CSMD1: variants seen among roughly 807,000 people sequenced by gnomAD.
CSMD1 encodes the protein CUB and Sushi multiple domains 1.
CSMD1 carries 213 observed loss-of-function variants against 417.5 expected under a neutral mutation model. The ratio of observed to expected loss-of-function variants is 0.51; its 90% CI spans 0.46 to 0.57. The LOEUF (loss-of-function observed/expected upper bound fraction) is 0.57, where lower values mean the gene tolerates loss of function less well. CSMD1 is among the 20% of genes least tolerant of loss of function. CSMD1 has a pLI of 0.00. For synonymous variants in CSMD1, 2,862 were observed against 1,736.8 expected (o/e 1.65, Z -16.11); for missense variants, 6,923 against 4,529.7 (o/e 1.53, Z -15.17).
At chr8:3,288,877 C>T (rs1187636385) in intron 25 of CSMD1, among the ~76,000 whole-genome samples, 2 of 146,676 alleles carry the variant, frequency 1.4e-5, no homozygotes, top group Non-Finnish European at 2.9e-5. Context: ...GCACAACCTA[C>T]AGGTTTGTTG....
chr8:3,650,174 G>A (rs150962638), intron 7 of CSMD1, among the ~76,000 whole-genome samples: 1,917 of 152,168 alleles, frequency 0.013, 49 homozygotes, highest in African/African-American at 0.044. Context: ...AGCTATTGGG[G>A]AGGCTGAGGT....
chr8:4,020,905 A>T (rs1796755630), intron 4 of CSMD1, among the ~76,000 whole-genome samples: 1 of 152,228 alleles, frequency 6.6e-6, no homozygotes, highest in Non-Finnish European at 1.5e-5. Context: ...AATATGCTTC[A>T]GCAATTGCTG....
intron 2 of CSMD1, among the ~76,000 whole-genome samples, chr8:4,515,782 C>T (rs1281582681): frequency 6.6e-6 from 1 of 152,090 alleles, no homozygotes; most frequent in Non-Finnish European, 1.5e-5. Flanking sequence ...TATAAATGAG[C>T]CAAAGACGGC....
At chr8:4,757,311 C>G (rs992878815) in intron 1 of CSMD1, among the ~76,000 whole-genome samples, 6 of 152,142 alleles carry the variant, frequency 3.9e-5, no homozygotes, top group Admixed American at 2.6e-4. Context: ...TAATCATAAC[C>G]TGGCTATCAT....
At chr8:3,364,141 C>T (rs1038562038) in intron 20 of CSMD1, among the ~76,000 whole-genome samples, 1 of 151,364 alleles carries the variant, frequency 6.6e-6, no homozygotes, top group African/African-American at 2.4e-5. Flanking sequence ...AATAAAGTTG[C>T]TAGTTATTTG....
At chr8:4,097,863 G>C (rs759441186) in intron 3 of CSMD1, among the ~76,000 whole-genome samples, 1 of 152,170 alleles carries the variant, frequency 6.6e-6, no homozygotes, top group Non-Finnish European at 1.5e-5. Flanking sequence ...ACACTACTGT[G>C]TGACTACGTC....
intron 3 of CSMD1, among the ~76,000 whole-genome samples, chr8:4,199,876 T>G (rs564723814): frequency 2.2e-4 from 33 of 152,270 alleles, no homozygotes; most frequent in Non-Finnish European, 4.0e-4. Context: ...CATGACAATA[T>G]TTTTAGGCCC....
At position 3,698,565 on chromosome 8, in the gene CSMD1, C is replaced by G. The variant is rs189406270; in HGVS notation, c.1009+9849G>C. Among the ~76,000 whole-genome samples the G allele has an allele frequency of 2.5e-4, 38 of 152,330 alleles. 1 individual carries two copies. The East Asian group carries it at 6.9e-3, about 28-fold the overall frequency. On this transcript the variant is annotated intron_variant, in intron 7 of 69. Coordinates refer to ENST00000635120, the MANE Select transcript of CSMD1 (RefSeq NM_033225.6). The stretch of plus-strand genomic sequence containing the variant: ...CTGCTTCTGCAGCAGTGTTAGAAAT[C>G]ACTCTGGCCTACTACCATTCAGATA...
At chr8:3,708,735 T>A (rs1160013690) in intron 6 of CSMD1, among the ~76,000 whole-genome samples, 1 of 152,218 alleles carries the variant, frequency 6.6e-6, no homozygotes, top group African/African-American at 2.4e-5. Context: ...TAATACGTGC[T>A]GCCACTGACT....
chr8:4,022,654 G>T (rs556698162), intron 4 of CSMD1, among the ~76,000 whole-genome samples: 10 of 152,262 alleles, frequency 6.6e-5, no homozygotes, highest in South Asian at 2.1e-4. Context: ...TGAGCGCTCA[G>T]GGAGAGAAAT....
At chr8:4,319,396 A>G (rs1799128915) in intron 3 of CSMD1, among the ~76,000 whole-genome samples, 1 of 152,174 alleles carries the variant, frequency 6.6e-6, no homozygotes, top group Non-Finnish European at 1.5e-5. Context: ...TCTGGGGCCC[A>G]TAATCGATAC....
At chr8:3,956,785 C>A (rs542061280) in intron 5 of CSMD1, among the ~76,000 whole-genome samples, 66 of 152,100 alleles carry the variant, frequency 4.3e-4, no homozygotes, top group Non-Finnish European at 8.5e-4. Context: ...CTGGAAGAAT[C>A]GATTTAGGAG....
At chr8:3,735,063 G>C (rs1197620717) in intron 6 of CSMD1, among the ~76,000 whole-genome samples, 1 of 152,280 alleles carries the variant, frequency 6.6e-6, no homozygotes, top group South Asian at 2.1e-4. Context: ...TGTGGACATG[G>C]GAGGACACAC....
chr8:3,144,285 T>C (rs558053698), intron 40 of CSMD1, among the ~76,000 whole-genome samples: 1 of 151,832 alleles, frequency 6.6e-6, no homozygotes, highest in Non-Finnish European at 1.5e-5. Context: ...GGTATGCCAA[T>C]AGACTAGACA....
intron 54 of CSMD1, among the ~76,000 whole-genome samples, chr8:2,990,694 T>G (rs961641774): frequency 1.3e-5 from 2 of 151,946 alleles, no homozygotes; most frequent in African/African-American, 4.8e-5. Context: ...CTGGGGAGAG[T>G]GAGAACAAAG....
At position 4,187,043 on chromosome 8, in the gene CSMD1, T is replaced by C. The variant is rs193225789; in HGVS notation, c.416-154944A>G. Among the ~76,000 whole-genome samples the C allele has an allele frequency of 1.7e-3, 255 of 152,252 alleles. 1 individual carries two copies. Among genetic ancestry groups the C allele is most frequent in the Non-Finnish European group, 1.8e-3 (122 of 68,022 alleles). On this transcript the variant is annotated intron_variant, in intron 3 of 69. Transcript: ENST00000635120. ...TTCTTCCTTTATAGAACAGTTTTAA[T>C]GCCCATATAAATGTTTGCTCAAATT...
At chr8:4,552,890 C>T (rs890174324) in intron 2 of CSMD1, among the ~76,000 whole-genome samples, 3 of 152,180 alleles carry the variant, frequency 2.0e-5, no homozygotes, top group Non-Finnish European at 2.9e-5. Context: ...TAAACCTCTT[C>T]CCTAGGAACA....
chr8:4,307,975 T>A (rs17335309), intron 3 of CSMD1, among the ~76,000 whole-genome samples: 16,454 of 152,066 alleles, frequency 0.11, 997 homozygotes, highest in East Asian at 0.23. Flanking sequence ...CTGAAGAAAT[T>A]ACAGAGGCTC....
chr8:3,631,569 G>T (rs1220541408), intron 7 of CSMD1, among the ~76,000 whole-genome samples: 1 of 152,198 alleles, frequency 6.6e-6, no homozygotes, highest in Non-Finnish European at 1.5e-5. Flanking sequence ...AGTTTGAAAT[G>T]ACGCTAAGAA....
Sources: gnomAD v4.1 joint callset for allele counts (sites outside exome capture counted in the v4.1 genomes callset) on GRCh38, gnomAD v4.1.1 for gene constraint, MANE v1.5 for transcripts, NCBI Gene and HGNC (gene_info 2026-07-23, HGNC 2026-07-21) for gene names.